Variants in CYP7B1 observed in about 807,000 individuals in gnomAD.
The protein encoded by CYP7B1 is cytochrome P450 family 7 subfamily B member 1, also known as cytochrome P450 7B1.
CYP7B1 carries 29 observed loss-of-function variants against 42.7 expected under a neutral mutation model. That is an observed-to-expected ratio of 0.68 (90% CI 0.51 to 0.93). The LOEUF (loss-of-function observed/expected upper bound fraction) is 0.93, where lower values mean the gene tolerates loss of function less well. CYP7B1 is among the 40% of genes least tolerant of loss of function. The pLI is 0.00. For synonymous variants in CYP7B1, 235 were observed against 218.2 expected (o/e 1.08, Z -0.68); for missense variants, 655 against 600.5 (o/e 1.09, Z -0.95).
intron 1 of CYP7B1, among the ~76,000 whole-genome samples, chr8:64,675,372 A>T (rs1354010172): frequency 6.6e-6 from 1 of 151,560 alleles, no homozygotes; most frequent in Non-Finnish European, 1.5e-5. Context: ...TAAAATTTTT[A>T]AATAATAAAA....
intron 1 of CYP7B1, among the ~76,000 whole-genome samples, chr8:64,648,239 CT>C (rs1378095636): frequency 6.6e-6 from 1 of 152,082 alleles, no homozygotes. Context: ...TTATTTTGAT[CT>C]TTTTTTCTAG....
intron 2 of CYP7B1, among the ~76,000 whole-genome samples, chr8:64,623,196 A>G (rs535484241): frequency 6.6e-6 from 1 of 152,310 alleles, no homozygotes; most frequent in East Asian, 1.9e-4. Flanking sequence ...TACTCCTTCC[A>G]GGAAGAGGTG....
chr8:64,738,517 T>G (rs1807522981), intron 1 of CYP7B1, among the ~76,000 whole-genome samples: 1 of 151,842 alleles, frequency 6.6e-6, no homozygotes, highest in Non-Finnish European at 1.5e-5. Flanking sequence ...TTTATCAGGA[T>G]AGAATATAAT....
At chr8:64,706,341 T>G (rs1273563487) in intron 1 of CYP7B1, among the ~76,000 whole-genome samples, 1 of 152,026 alleles carries the variant, frequency 6.6e-6, no homozygotes, top group Non-Finnish European at 1.5e-5. Context: ...ATGTAGGCGT[T>G]CTTTTTATAC....
chr8:64,625,963 A>G (rs1805603866), intron 1 of CYP7B1, among the ~76,000 whole-genome samples: 1 of 152,194 alleles, frequency 6.6e-6, no homozygotes, highest in Admixed American at 6.5e-5. Flanking sequence ...AAGTCTACTT[A>G]ACATAGTAAA....
At chr8:64,651,561 A>G (rs932070951) in intron 1 of CYP7B1, among the ~76,000 whole-genome samples, 7 of 152,182 alleles carry the variant, frequency 4.6e-5, no homozygotes, top group African/African-American at 1.7e-4. Context: ...TGTCCTCTCA[A>G]AATTCCTACA....
intron 4 of CYP7B1, among the ~76,000 whole-genome samples, chr8:64,609,958 A>G (rs1476907925): frequency 6.6e-6 from 1 of 152,128 alleles, no homozygotes; most frequent in Non-Finnish European, 1.5e-5. Flanking sequence ...CCCCAGACCA[A>G]TGCAATCAGA....
In CYP7B1 at chr8:64,591,121, T is replaced by C. The variant is rs1433133523; in HGVS notation, c.*5521A>G. ...ATTTTAAATTGTGTAGAGTTTTTCA[T>C]GTATTAAATTTATTTTACTCTAGCA... On this transcript the variant is annotated 3_prime_UTR_variant, in exon 6 of 6. Transcript: ENST00000310193. Among the ~76,000 whole-genome samples, 1 of 152,172 alleles carries C rather than the reference T, an allele frequency of 6.6e-6. No homozygotes were observed. Among genetic ancestry groups the C allele is most frequent in the East Asian group, 1.9e-4 (1 of 5,206 alleles).
chr8:64,593,453 C>T lies in CYP7B1; in HGVS notation c.*3189G>A, dbSNP rs563918373. On this transcript the variant is annotated 3_prime_UTR_variant, in exon 6 of 6. Transcript: ENST00000310193. Reference sequence around the variant, plus strand: ...AAAAATGAACCCCCAAATGTGTCCCCTGTCTATTCCTAATAAAATGGTTGC... The same window carrying T: ...AAAAATGAACCCCCAAATGTGTCCCTTGTCTATTCCTAATAAAATGGTTGC... Among the ~76,000 whole-genome samples the T allele has an allele frequency of 1.2e-4, 18 of 152,256 alleles. No homozygotes were observed. In the South Asian group the frequency reaches 3.7e-3, roughly 32 times the overall value.
At chr8:64,608,062 A>C (rs1261393105) in intron 4 of CYP7B1, among the ~76,000 whole-genome samples, 1 of 152,238 alleles carries the variant, frequency 6.6e-6, no homozygotes, top group Non-Finnish European at 1.5e-5. Context: ...CAGAGCATGC[A>C]CTACATTCTT....
chr8:64,752,965 A>G (rs35639132), intron 1 of CYP7B1, among the ~76,000 whole-genome samples: 16,013 of 152,208 alleles, frequency 0.11, 1,114 homozygotes, highest in Non-Finnish European at 0.16. Flanking sequence ...AAGAAAGTTG[A>G]GAGAACACAC....
intron 1 of CYP7B1, among the ~76,000 whole-genome samples, chr8:64,656,940 T>C (rs1354782248): frequency 6.6e-6 from 1 of 152,136 alleles, no homozygotes; most frequent in Non-Finnish European, 1.5e-5. Context: ...CACAGACTGG[T>C]GGCCTAGGAA....
chr8:64,705,716 C>T (rs2884073), intron 1 of CYP7B1, among the ~76,000 whole-genome samples: 43,789 of 151,740 alleles, frequency 0.29, 7,546 homozygotes, highest in African/African-American at 0.48. Context: ...ATGTAAAGTG[C>T]AGTTGCCTTC....
At chr8:64,778,841 C>T (rs1804369690) in intron 1 of CYP7B1, among the ~76,000 whole-genome samples, 1 of 152,042 alleles carries the variant, frequency 6.6e-6, no homozygotes, top group African/African-American at 2.4e-5. Flanking sequence ...AGTCTAGGCA[C>T]ACAGTAGACC....
In CYP7B1 at chr8:64,783,479, G is replaced by A. The variant is rs1412817020; in HGVS notation, c.122+14987C>T. ...TTCTTACCAATTACAGCATTGGAGA[G>A]GGGAGTATAATGATATGTATGTCGG... On this transcript the variant is annotated intron_variant, in intron 1 of 5. Coordinates refer to ENST00000310193, the MANE Select transcript of CYP7B1 (RefSeq NM_004820.5). 4.0e-5 allele frequency among the ~76,000 whole-genome samples: 6 copies of A among 151,776 alleles called. No homozygotes were observed. In the South Asian group the frequency reaches 1.3e-3, roughly 32 times the overall value.
chr8:64,764,698 CAG>C (rs1013002026), intron 1 of CYP7B1, among the ~76,000 whole-genome samples: 4 of 151,978 alleles, frequency 2.6e-5, no homozygotes, highest in African/African-American at 9.7e-5. Context: ...GCTTTGCTAA[CAG>C]AAGAAAGTAG....
chr8:64,757,974 C>G (rs755733871), intron 1 of CYP7B1, among the ~76,000 whole-genome samples: 1 of 152,180 alleles, frequency 6.6e-6, no homozygotes, highest in African/African-American at 2.4e-5. Context: ...GGGGCCATCT[C>G]CATAACACAC....
chr8:64,766,675 A>G (rs901709887), intron 1 of CYP7B1, among the ~76,000 whole-genome samples: 1 of 152,148 alleles, frequency 6.6e-6, no homozygotes, highest in African/African-American at 2.4e-5. Context: ...GAATAGAAAT[A>G]AGCCACCCCC....
chr8:64,640,940 A>C (rs969683341), intron 1 of CYP7B1, among the ~76,000 whole-genome samples: 1 of 152,204 alleles, frequency 6.6e-6, no homozygotes, highest in Admixed American at 6.6e-5. Flanking sequence ...GGCAACTTCT[A>C]TTTGTGGCTA....
Sources: gnomAD v4.1 joint callset for allele counts (sites outside exome capture counted in the v4.1 genomes callset) on GRCh38, gnomAD v4.1.1 for gene constraint, MANE v1.5 for transcripts, NCBI Gene and HGNC (gene_info 2026-07-23, HGNC 2026-07-21) for gene names.